PPP1R17: variants seen among roughly 807,000 people sequenced by gnomAD.
PPP1R17 encodes protein phosphatase 1 regulatory subunit 17.
PPP1R17 carries 12 observed loss-of-function variants against 15.9 expected under a neutral mutation model. The ratio of observed to expected loss-of-function variants is 0.75; its 90% CI spans 0.48 to 1.22. The LOEUF (loss-of-function observed/expected upper bound fraction) is 1.22. Ranked by LOEUF, PPP1R17 falls within the 50% of genes most tolerant of loss-of-function variation. PPP1R17 has a pLI of 0.00. For missense variants in PPP1R17, 211 were observed against 187.3 expected (o/e 1.13, Z -0.74); for synonymous variants, 63 against 64.5 (o/e 0.98, Z 0.11).
intron 4 of PPP1R17, among the ~76,000 whole-genome samples, chr7:31,705,614 A>G (rs940090727): frequency 1.9e-4 from 29 of 152,196 alleles, no homozygotes; most frequent in Non-Finnish European, 8.8e-5. Flanking sequence ...AATAGTCATT[A>G]AGATCAACAC....
At chr7:31,695,334 A>G in intron 2 of PPP1R17, 135 bp from the exon 3 acceptor site, 1 of 712,776 alleles carries the variant, frequency 1.4e-6, no homozygotes, top group Non-Finnish European at 2.1e-6. Context: ...AATAGGCCAC[A>G]ATAAATAAAC....
At chr7:31,691,530 C>A (rs187972104) in intron 1 of PPP1R17, among the ~76,000 whole-genome samples, 20 of 152,194 alleles carry the variant, frequency 1.3e-4, no homozygotes, top group Middle Eastern at 3.4e-3. Context: ...ATGCATTTCT[C>A]CTTCAGACCT....
At chr7:31,700,634 G>A (rs1293584686) in intron 4 of PPP1R17, among the ~76,000 whole-genome samples, 1 of 152,134 alleles carries the variant, frequency 6.6e-6, no homozygotes, top group African/African-American at 2.4e-5. Flanking sequence ...TGCCATCTAG[G>A]CCATTCATAG....
rs546448910 is a variant in PPP1R17 at position 31,695,596 on chromosome 7, G to A, written c.210G>A (p.Ala70=). 6.8e-5 allele frequency: 109 copies of A among 1,613,486 alleles called. No homozygotes were observed. The East Asian group carries it at 1.3e-3, about 19-fold the overall frequency. The change falls in exon 3 of 5, where the codon GCG becomes GCA. Residue 70 remains alanine (A), a synonymous_variant. Coordinates refer to ENST00000342032, the MANE Select transcript of PPP1R17 (RefSeq NM_006658.5). ...QKKPRRKDTP[A]LHIPPFIPGV... ...AACCAAGGAGGAAAGATACACCGGC[G>A]CTGCACATCCCACCTTTCATACCAG...
chr7:31,707,200 G>A lies in PPP1R17; in HGVS notation c.389-4G>A, dbSNP rs1056783286. The A allele has an allele frequency of 2.5e-6, 4 of 1,612,994 alleles. No individual in the cohort carries two copies. In the African/African-American group the frequency reaches 5.3e-5, roughly 22 times the overall value. ...TAATTGCAGGTCTGTGCTTTGTTTT[G>A]CAGGTGTGACATTGCTCAGGGACGA... On this transcript the variant is annotated splice_polypyrimidine_tract_variant and splice_region_variant and intron_variant, in intron 4 of 4. Transcript: ENST00000342032.
chr7:31,700,647 G>A (rs1186723971), intron 4 of PPP1R17, among the ~76,000 whole-genome samples: 2 of 152,150 alleles, frequency 1.3e-5, no homozygotes, highest in Non-Finnish European at 2.9e-5. Context: ...ATTCATAGCT[G>A]GAAAGGAGAT....
intron 2 of PPP1R17, among the ~76,000 whole-genome samples, chr7:31,694,336 T>A (rs1257402079): frequency 6.6e-6 from 1 of 151,510 alleles, no homozygotes. Flanking sequence ...ATATCAACTG[T>A]ATCAGATGCT....
At chr7:31,699,624 C>T (rs940015375) in intron 4 of PPP1R17, among the ~76,000 whole-genome samples, 1 of 151,592 alleles carries the variant, frequency 6.6e-6, no homozygotes, top group African/African-American at 2.4e-5. Context: ...CTTTTTTGTG[C>T]TTTTCAGATA....
At chr7:31,697,186 G>T in intron 4 of PPP1R17, 69 bp downstream of exon 4, 1 of 1,568,090 alleles carries the variant, frequency 6.4e-7, no homozygotes, top group South Asian at 1.2e-5. Context: ...CCATCTGGAG[G>T]TCCCCAGGGC....
intron 1 of PPP1R17, among the ~76,000 whole-genome samples, chr7:31,689,119 C>T (rs1378305606): frequency 2.6e-5 from 4 of 152,168 alleles, no homozygotes; most frequent in Admixed American, 1.3e-4. Context: ...TTCCACAGCA[C>T]GTTTGACTCC....
chr7:31,705,775 C>T (rs1053513215), intron 4 of PPP1R17, among the ~76,000 whole-genome samples: 3 of 151,802 alleles, frequency 2.0e-5, no homozygotes, highest in East Asian at 1.9e-4. Context: ...GGAGGCAGTG[C>T]GAGGCAGTGG....
Position 31,692,534 on chromosome 7 carries a change from G to A in PPP1R17, c.82+11G>A. The A allele has an allele frequency of 6.3e-7, 1 of 1,580,060 alleles. No individual in the cohort carries two copies. ...GTTGCAGCCACTTAGGTAAACAAAT[G>A]ATCGATTGTGAATGTCAGTGGTGGA... On this transcript the variant is annotated intron_variant, in intron 2 of 4. Transcript: ENST00000342032.
At chr7:31,692,371 G>A in intron 1 of PPP1R17, 35 bp from the exon 2 acceptor site, 1 of 1,230,848 alleles carries the variant, frequency 8.1e-7, no homozygotes, top group Non-Finnish European at 1.2e-6. Flanking sequence ...AATAAACAGA[G>A]CCATACTTAT....
At chr7:31,702,144 A>G (rs1792874367) in intron 4 of PPP1R17, among the ~76,000 whole-genome samples, 1 of 151,918 alleles carries the variant, frequency 6.6e-6, no homozygotes, top group African/African-American at 2.4e-5. Context: ...AGGTTATGCT[A>G]TGATATGGGA....
intron 2 of PPP1R17, 117 bp downstream of exon 2, chr7:31,692,640 C>A: frequency 1.1e-6 from 1 of 912,918 alleles, no homozygotes; most frequent in Non-Finnish European, 1.7e-6. Context: ...ATAGTCTGTG[C>A]CTTCTGGTGA....
intron 4 of PPP1R17, among the ~76,000 whole-genome samples, chr7:31,700,279 G>C (rs1562701989): frequency 6.6e-6 from 1 of 152,182 alleles, no homozygotes; most frequent in Admixed American, 6.5e-5. Context: ...CATCCTTATT[G>C]TTGATACGGG....
At chr7:31,695,719 A>T in intron 3 of PPP1R17, 98 bp downstream of exon 3, 1 of 1,332,990 alleles carries the variant, frequency 7.5e-7, no homozygotes. Flanking sequence ...CAGGTATTTT[A>T]AAGTAATTTG....
intron 2 of PPP1R17, among the ~76,000 whole-genome samples, chr7:31,693,923 A>G (rs1792461824): frequency 6.6e-6 from 1 of 152,228 alleles, no homozygotes; most frequent in Admixed American, 6.5e-5. Context: ...ATCTAGCCAA[A>G]CTATATCCAG....
rs144020989 is a variant in PPP1R17, at chr7:31,707,253, C to T, written c.438C>T (p.Asp146=). ...GACCCAAAGCAATCGTGGAAGATGA[C>T]GAAAAGGATGGTGACAAGATAGCTA... The part of the protein sequence containing the change: ...DERPKAIVED[D]EKDGDKIAI The change falls in exon 5 of 5, where the codon GAC becomes GAT. Residue 146 remains aspartate, a synonymous_variant. Transcript: ENST00000342032. 815 of 1,613,762 alleles carry T rather than the reference C, an allele frequency of 5.1e-4. 10 individuals carry two copies. The highest frequency in any genetic ancestry group is 7.8e-4 in the Admixed American group (47 of 59,958).
Sources: allele counts gnomAD v4.1 joint callset (sites outside exome capture counted in the v4.1 genomes callset), GRCh38; gene constraint gnomAD v4.1.1; transcripts MANE v1.5; gene names NCBI Gene and HGNC (gene_info 2026-07-23, HGNC 2026-07-21).